Variants in LRRIQ1 observed in about 807,000 individuals in gnomAD.
LRRIQ1 encodes the protein leucine rich repeats and IQ motif containing 1.
LRRIQ1 carries 210 observed loss-of-function variants against 211.9 expected under a neutral mutation model. The ratio of observed to expected loss-of-function variants is 0.99; its 90% CI spans 0.89 to 1.11. LRRIQ1 has a LOEUF of 1.11. LRRIQ1 is among the 50% of genes most tolerant of loss of function. The probability of loss-of-function intolerance (pLI) is 0.00; values close to 1 mark genes in which losing one functional copy is unlikely to be tolerated. For missense variants in LRRIQ1, 2,136 were observed against 1,939.5 expected (o/e 1.10, Z -1.90); for synonymous variants, 699 against 650.1 (o/e 1.08, Z -1.14).
rs1896218535 is a variant in LRRIQ1, at chr12:85,259,345, A to G, written c.122-3570A>G. ...TTATTTTCATATGGGTAATTTTAGT[A>G]TGATTATACATTGACCATATTAAAT... is the stretch of plus-strand genomic sequence containing the variant. On this transcript the variant is annotated intron_variant, in intron 1 of 1. Coordinates refer to the LRRIQ1 transcript ENST00000602731. Among the ~76,000 whole-genome samples, 2 of 152,164 alleles carry G rather than the reference A, an allele frequency of 1.3e-5. 1 individual carries two copies. The highest frequency in any genetic ancestry group is 6.8e-3 in the Middle Eastern group (2 of 294).
intron 23 of LRRIQ1, chr12:85,159,491 T>C (rs1280503383): frequency 1.3e-5 from 2 of 152,056 alleles, no homozygotes; most frequent in Non-Finnish European, 2.9e-5. Context: ...GTACTACTAG[T>C]ACTTCAAAAA....
chr12:85,218,579 T>C (rs1279280521), intron 24 of LRRIQ1, among the ~76,000 whole-genome samples: 1 of 152,046 alleles, frequency 6.6e-6, no homozygotes, highest in African/African-American at 2.4e-5. Flanking sequence ...ATGTACAGTT[T>C]CGTTGCTAGG....
rs765567234 is a variant in LRRIQ1 at position 85,124,162 on chromosome 12, G to A, written c.3650G>A (p.Arg1217Gln). ...ACTGAATACCGACATGCACACGAAC[G>A]AGGGGATGTAACTATCACCAAGAAA... The part of the protein sequence containing the change: ...LSTEYRHAHE[R>Q]GDVTITKKDE... The change falls in exon 17 of 27, where the codon CGA (arginine) becomes CAA (glutamine). Residue 1217 changes from arginine (R) to glutamine (Q), a missense_variant. By Grantham distance (43) the Arg-to-Gln change is conservative. Transcript: ENST00000393217. The A allele has an allele frequency of 1.1e-5, 17 of 1,613,908 alleles. No individual in the cohort carries two copies. The highest frequency in any genetic ancestry group is 1.3e-5 in the African/African-American group (1 of 74,894).
At chr12:85,098,155 A>C (rs555285445) in intron 11 of LRRIQ1, among the ~76,000 whole-genome samples, 200 bp from the exon 12 acceptor site, 1 of 152,282 alleles carries the variant, frequency 6.6e-6, no homozygotes, top group East Asian at 1.9e-4. Context: ...GTCATTCAAA[A>C]ATATGTCACC....
At position 85,204,358 on chromosome 12, in the gene LRRIQ1, A is replaced by G. The variant is rs545814978; in HGVS notation, c.4823-25159A>G. 5.3e-5 allele frequency among the ~76,000 whole-genome samples: 8 copies of G among 152,292 alleles called. No individual in the cohort carries two copies. The South Asian group carries it at 1.7e-3, about 32-fold the overall frequency. ...ATGTGAGGTCAGAGTCCCCACACAG[A>G]GCCCCTACTGGGGCACCACCTAGTA... On this transcript the variant is annotated intron_variant, in intron 24 of 26. Coordinates refer to ENST00000393217, the MANE Select transcript of LRRIQ1 (RefSeq NM_001079910.2).
At chr12:85,038,681 T>C (rs1402186558) in intron 2 of LRRIQ1, among the ~76,000 whole-genome samples, 1 of 151,634 alleles carries the variant, frequency 6.6e-6, no homozygotes, top group East Asian at 1.9e-4. Context: ...ATTCATAGAT[T>C]TATTCATTTA....
intron 24 of LRRIQ1, among the ~76,000 whole-genome samples, chr12:85,175,975 A>T (rs541111077): frequency 6.6e-6 from 1 of 151,972 alleles, no homozygotes; most frequent in African/African-American, 2.4e-5. Context: ...CTTAGGATTG[A>T]CTTGGCGGTG....
chr12:85,194,829 G>A (rs981120438), intron 24 of LRRIQ1, among the ~76,000 whole-genome samples: 93 of 152,180 alleles, frequency 6.1e-4, no homozygotes, highest in Middle Eastern at 3.4e-3. Context: ...AATCAGAGCA[G>A]AACTGAAGGA....
At chr12:85,066,263 C>T (rs531654192) in intron 9 of LRRIQ1, among the ~76,000 whole-genome samples, 1 of 151,906 alleles carries the variant, frequency 6.6e-6, no homozygotes, top group Non-Finnish European at 1.5e-5. Flanking sequence ...CTTTTCTCAT[C>T]TAAATCAGAT....
intron 15 of LRRIQ1, 84 bp downstream of exon 15, chr12:85,106,699 A>G (rs997146836): frequency 3.4e-6 from 3 of 880,348 alleles, no homozygotes; most frequent in Non-Finnish European, 5.4e-6. Flanking sequence ...TGTGAATAAC[A>G]ATTACCTAGG....
chr12:85,095,630 C>T (rs1885801801), intron 11 of LRRIQ1, among the ~76,000 whole-genome samples: 1 of 152,028 alleles, frequency 6.6e-6, no homozygotes, highest in African/African-American at 2.4e-5. Flanking sequence ...GTGATGCTGG[C>T]TTCATAAAGC....
intron 24 of LRRIQ1, among the ~76,000 whole-genome samples, chr12:85,190,053 T>C (rs1892423894): frequency 7.0e-6 from 1 of 142,220 alleles, no homozygotes; most frequent in African/African-American, 2.5e-5. Context: ...TATATAACAG[T>C]TATATAACCC....
chr12:85,152,976 T>C (rs768252948), intron 20 of LRRIQ1, 48 bp from the exon 21 acceptor site: 13 of 1,403,028 alleles, frequency 9.3e-6, no homozygotes. Flanking sequence ...ACATAAATGC[T>C]AGGATTTTTT....
chr12:85,124,510 G>T lies in LRRIQ1; in HGVS notation c.3998G>T (p.Ser1333Ile), dbSNP rs557332062. Reference protein sequence around the residue: ...LLRNHQNIEPSEKIMAAVVIQ... With the variant: ...LLRNHQNIEPIEKIMAAVVIQ... Reference sequence around the variant, plus strand: ...AGGAATCACCAAAATATTGAGCCTAGTGAAAAAATGTAAGATATATAAATA... The same window carrying T: ...AGGAATCACCAAAATATTGAGCCTATTGAAAAAATGTAAGATATATAAATA... Residue 1333 changes from serine to isoleucine, a missense_variant, in exon 17 of 27, where the codon AGT becomes ATT. Transcript: ENST00000393217. 59 of 1,605,814 alleles carry T rather than the reference G, an allele frequency of 3.7e-5. No homozygotes were observed. Among genetic ancestry groups the T allele is most frequent in the Admixed American group, 3.3e-4 (20 of 59,818 alleles).
chr12:85,188,297 C>A (rs1026633130), intron 24 of LRRIQ1, among the ~76,000 whole-genome samples: 2 of 151,856 alleles, frequency 1.3e-5, no homozygotes, highest in Non-Finnish European at 2.9e-5. Context: ...TTATAGAATA[C>A]AAGGTGCTGT....
At chr12:85,115,500 A>G (rs1447673609) in intron 15 of LRRIQ1, among the ~76,000 whole-genome samples, 1 of 152,222 alleles carries the variant, frequency 6.6e-6, no homozygotes, top group Non-Finnish European at 1.5e-5. Context: ...AATTCCAAAT[A>G]CTAAATCATT....
intron 24 of LRRIQ1, among the ~76,000 whole-genome samples, chr12:85,168,531 C>T (rs186550804): frequency 1.4e-4 from 21 of 152,224 alleles, no homozygotes; most frequent in Non-Finnish European, 4.4e-5. Flanking sequence ...GAACTAAGAC[C>T]TCTAGGCCAG....
chr12:85,195,151 T>A (rs1368585527), intron 24 of LRRIQ1, among the ~76,000 whole-genome samples: 2 of 151,744 alleles, frequency 1.3e-5, no homozygotes, highest in Non-Finnish European at 2.9e-5. Context: ...AATAGACCAA[T>A]AACAGGATCT....
At chr12:85,183,022 G>A (rs762588532) in intron 24 of LRRIQ1, among the ~76,000 whole-genome samples, 31 of 152,100 alleles carry the variant, frequency 2.0e-4, no homozygotes, top group Non-Finnish European at 4.1e-4. Flanking sequence ...TCCAGCTTTG[G>A]TTACATAGTT....
Sources: allele counts gnomAD v4.1 joint callset (sites outside exome capture counted in the v4.1 genomes callset), GRCh38; gene constraint gnomAD v4.1.1; transcripts MANE v1.5; gene names NCBI Gene and HGNC (gene_info 2026-07-23, HGNC 2026-07-21).